Variants in NHS observed in about 807,000 individuals in gnomAD.
NHS encodes the protein actin remodeling regulator NHS.
A neutral mutation model predicts 72.5 loss-of-function variants in NHS; 5 were observed. The observed-to-expected ratio is 0.07, with a 90% CI of 0.04 to 0.14. NHS has a LOEUF of 0.14. Among genes scored for constraint, NHS ranks in the 10% least tolerant of loss-of-function variants. The pLI is 1.00. For missense variants in NHS, 1,072 were observed against 1,355.7 expected, an observed-to-expected ratio of 0.79 and a Z score of 3.29; for synonymous variants, 464 against 547.7, an observed-to-expected ratio of 0.85 and a Z score of 2.13.
At position 17,376,157 on chromosome X, in the gene NHS, C is replaced by G; in HGVS notation, c.400C>G (p.Arg134Gly). ...LCAVSNAALA[R>G]VLRQLSDVAR... ...CGCGGTCAGCAACGCCGCTCTGGCC[C>G]GTGTCCTCCGGCAGCTCTCGGACGT... Residue 134 changes from arginine to glycine, a missense_variant, in exon 1 of 9, where the codon CGT (arginine) becomes GGT (glycine). Coordinates refer to ENST00000676302, the MANE Select transcript of NHS (RefSeq NM_001291867.2). The G allele has an allele frequency of 8.4e-7, 1 of 1,189,785 alleles. No homozygotes were observed. The highest frequency in any genetic ancestry group is 1.1e-6 in the Non-Finnish European group (1 of 890,561).
chrX:17,685,608 T>C (rs1178791435), intron 1 of NHS, among the ~76,000 whole-genome samples: 1 of 111,587 alleles, frequency 9.0e-6, no homozygotes, highest in East Asian at 2.8e-4. Context: ...GCTTTTTTTT[T>C]CAGGTAACTT....
intron 1 of NHS, among the ~76,000 whole-genome samples, chrX:17,479,556 T>G (rs763306774): frequency 7.1e-5 from 8 of 112,183 alleles, no homozygotes; most frequent in African/African-American, 2.3e-4. Context: ...CTCCAGCATC[T>G]ATTGTTTCCT....
chrX:17,719,211 G>A, intron 3 of NHS, 133 bp from the exon 4 acceptor site: 1 of 496,039 alleles, frequency 2.0e-6, no homozygotes, highest in South Asian at 3.4e-5. Flanking sequence ...GAAGGAGGAA[G>A]GAGGGAAGGA....
chrX:17,514,623 A>G (rs1024931345), intron 1 of NHS, among the ~76,000 whole-genome samples: 1 of 111,849 alleles, frequency 8.9e-6, no homozygotes, highest in African/African-American at 3.3e-5. Context: ...ATGTGAGTCA[A>G]TTCTAATCAA....
At chrX:17,650,152 G>C (rs749526674) in intron 1 of NHS, among the ~76,000 whole-genome samples, 6 of 112,764 alleles carry the variant, frequency 5.3e-5, no homozygotes, top group African/African-American at 1.9e-4. Context: ...GGATCCTCGA[G>C]GTCACCCTCA....
At chrX:17,486,451 A>G (rs1438581272) in intron 1 of NHS, among the ~76,000 whole-genome samples, 5 of 111,645 alleles carry the variant, frequency 4.5e-5, no homozygotes, top group African/African-American at 9.8e-5. Flanking sequence ...TTGATTAGCT[A>G]ATGTACGCTG....
intron 1 of NHS, among the ~76,000 whole-genome samples, chrX:17,560,016 T>TA (rs1370016145): frequency 8.9e-6 from 1 of 111,889 alleles, no homozygotes; most frequent in African/African-American, 3.3e-5. Context: ...AATTTATATT[T>TA]AAAAAAACAT....
intron 1 of NHS, among the ~76,000 whole-genome samples, chrX:17,427,015 C>G (rs1348388021): frequency 8.9e-6 from 1 of 112,115 alleles, no homozygotes; most frequent in East Asian, 2.8e-4. Context: ...AATCTGCTGT[C>G]TATAACCCCA....
intron 1 of NHS, among the ~76,000 whole-genome samples, chrX:17,416,792 ATGTGTGTGTG>A (rs770265000): frequency 2.1e-5 from 2 of 95,714 alleles, no homozygotes; most frequent in South Asian, 5.2e-4. Context: ...ATGTAGGAGT[ATGTGTGTGTG>A]TGTGTGTGTG....
At chrX:17,436,246 G>A (rs1274130128) in intron 1 of NHS, among the ~76,000 whole-genome samples, 1 of 111,602 alleles carries the variant, frequency 9.0e-6, no homozygotes, top group Non-Finnish European at 1.9e-5. Context: ...CGTTTTGGGG[G>A]AAACACCCCA....
intron 1 of NHS, among the ~76,000 whole-genome samples, chrX:17,601,409 A>G (rs1728765004): frequency 8.9e-6 from 1 of 112,097 alleles, no homozygotes; most frequent in Non-Finnish European, 1.9e-5. Flanking sequence ...ACAGGCCAGA[A>G]AAAGAACATT....
chrX:17,613,593 T>C (rs1274114439), intron 1 of NHS, among the ~76,000 whole-genome samples: 1 of 111,392 alleles, frequency 9.0e-6, no homozygotes, highest in Non-Finnish European at 1.9e-5. Flanking sequence ...GCACATCTAA[T>C]GGTAGCACTG....
At chrX:17,433,061 G>A (rs1182920057) in intron 1 of NHS, among the ~76,000 whole-genome samples, 4 of 108,088 alleles carry the variant, frequency 3.7e-5, no homozygotes, top group African/African-American at 1.0e-4. Flanking sequence ...ACGGAGTCTC[G>A]CTCTGTTGCC....
Position 17,493,483 on chromosome X carries a change from A to C in NHS, c.565+117161A>C, listed in dbSNP as rs181039625. Among the ~76,000 whole-genome samples, 682 of 112,072 alleles carry C rather than the reference A, an allele frequency of 6.1e-3. 2 individuals carry two copies. Among genetic ancestry groups the C allele is most frequent in the Non-Finnish European group, 0.01 (545 of 53,240 alleles). On this transcript the variant is annotated intron_variant, in intron 1 of 8. Coordinates refer to ENST00000676302, the MANE Select transcript of NHS (RefSeq NM_001291867.2). ...TTCCACTGCAGTGTAAATTTCATGAAGGAAAAGACTTTGTCTGCTTGTCCA... is the reference window on the plus strand; with the variant it reads ...TTCCACTGCAGTGTAAATTTCATGACGGAAAAGACTTTGTCTGCTTGTCCA...
intron 1 of NHS, among the ~76,000 whole-genome samples, chrX:17,566,816 GATGTACTGTGA>G (rs2065446689): frequency 9.0e-6 from 1 of 110,966 alleles, no homozygotes; most frequent in Admixed American, 9.6e-5. Flanking sequence ...GACTCAATGG[GATGTACTGTGA>G]ACATCCCTGA....
chrX:17,508,135 T>G (rs2065068310), intron 1 of NHS, among the ~76,000 whole-genome samples: 2 of 109,837 alleles, frequency 1.8e-5, no homozygotes, highest in African/African-American at 6.8e-5. Flanking sequence ...ACCATTGTGA[T>G]GAACTATGGT....
chrX:17,587,916 G>T (rs2065583869), intron 1 of NHS, among the ~76,000 whole-genome samples: 2 of 112,661 alleles, frequency 1.8e-5, no homozygotes, highest in African/African-American at 6.4e-5. Flanking sequence ...TAATGATCTT[G>T]TGAAAGACAG....
intron 1 of NHS, among the ~76,000 whole-genome samples, chrX:17,665,041 T>C (rs1288058921): frequency 1.8e-5 from 2 of 109,367 alleles, no homozygotes. Context: ...ATAAATAATA[T>C]ATAATCAATT....
At chrX:17,430,289 TTC>T (rs1491133154) in intron 1 of NHS, among the ~76,000 whole-genome samples, 14 of 84,455 alleles carry the variant, frequency 1.7e-4, no homozygotes, top group Non-Finnish European at 8.9e-5. Flanking sequence ...CTTTCTTTCT[TTC>T]TTTCTTTCTT....
Sources: allele counts gnomAD v4.1 joint callset (sites outside exome capture counted in the v4.1 genomes callset), GRCh38; gene constraint gnomAD v4.1.1; transcripts MANE v1.5; gene names NCBI Gene and HGNC (gene_info 2026-07-23, HGNC 2026-07-21).